Variants in TP63 observed in about 807,000 individuals in gnomAD.
The protein encoded by TP63 is tumor protein 63.
TP63 carries 17 observed loss-of-function variants against 82.8 expected under a neutral mutation model. That is an observed-to-expected ratio of 0.21 (90% CI 0.14 to 0.31). TP63 has a LOEUF of 0.31. Among genes scored for constraint, TP63 ranks in the 10% least tolerant of loss-of-function variants. TP63 has a pLI of 1.00. For synonymous variants in TP63, 330 were observed against 321.7 expected, an observed-to-expected ratio of 1.03 and a Z score of -0.28; for missense variants, 648 against 895.3, an observed-to-expected ratio of 0.72 and a Z score of 3.52.
At position 189,858,197 on chromosome 3, in the gene TP63, AGATCG is replaced by A. The variant is rs1175152513; in HGVS notation, c.580-6034_580-6030del. Among the ~76,000 whole-genome samples, 139 of 69,786 alleles carry A rather than the reference AGATCG, an allele frequency of 2.0e-3. 52 individuals are homozygous for A. Among genetic ancestry groups the A allele is most frequent in the African/African-American group, 4.5e-3 (62 of 13,896 alleles). 45.8% of individuals were successfully genotyped at this position (69,786 alleles called of 152,430 possible). On this transcript the variant is annotated intron_variant, in intron 4 of 13. Transcript: ENST00000264731. ...GAGGCGGGCGGATCACGAGGTCAGG[AGATCG>A]AGACCATCCTGGCTAACACGGTGAA...
intron 6 of TP63, 49 bp from the exon 7 acceptor site, chr3:189,867,784 C>T (rs189233691): frequency 3.3e-5 from 50 of 1,506,406 alleles, no homozygotes; most frequent in Non-Finnish European, 4.2e-5. Flanking sequence ...GAAGGAACAA[C>T]GTCAGTTTAA....
In TP63 at chr3:189,757,323, G is replaced by C. The variant is rs565379909; in HGVS notation, c.324+18549G>C. Among the ~76,000 whole-genome samples the C allele has an allele frequency of 2.4e-4, 36 of 152,316 alleles. No individual in the cohort carries two copies. In the South Asian group the frequency reaches 7.4e-3, roughly 32 times the overall value. On this transcript the variant is annotated intron_variant, in intron 3 of 13. Transcript: ENST00000264731. ...GGTCAGGCTCCAGAGATAGATGGCTGCCTGTGTTTGAATCTAGCTCAGTTA... is the reference window on the plus strand; with the variant it reads ...GGTCAGGCTCCAGAGATAGATGGCTCCCTGTGTTTGAATCTAGCTCAGTTA...
chr3:189,657,327 A>T (rs773229457), intron 1 of TP63, among the ~76,000 whole-genome samples: 3 of 152,128 alleles, frequency 2.0e-5, no homozygotes, highest in Non-Finnish European at 4.4e-5. Context: ...ATGAACCTCA[A>T]TGTATATAAA....
the TP63 span, among the ~76,000 whole-genome samples, chr3:189,607,712 G>T: frequency 2.0e-5 from 3 of 151,634 alleles, no homozygotes; most frequent in African/African-American, 4.8e-5. Flanking sequence ...TAAAATTATC[G>T]TACATATAAA....
At chr3:189,862,320 C>A (rs1303283612) in intron 4 of TP63, among the ~76,000 whole-genome samples, 1 of 152,168 alleles carries the variant, frequency 6.6e-6, no homozygotes, top group East Asian at 1.9e-4. Context: ...TATTATTTAT[C>A]ATTAATTAAG....
rs1335229476 is a variant in TP63, at chr3:189,872,969, G to GCAGCAC, written c.1330_1335dup (p.Gln444_His445dup). 1.2e-6 allele frequency: 2 copies of GCAGCAC among 1,614,128 alleles called. No individual in the cohort carries two copies. Among genetic ancestry groups the GCAGCAC allele is most frequent in the South Asian group, 1.1e-5 (1 of 91,078 alleles). ...AAACGTACAGGCAACAGCAACAGCA[G>GCAGCAC]CAGCACCAGCACTTACTTCAGAAAC... On this transcript the variant is annotated inframe_insertion, in exon 10 of 14. Transcript: ENST00000264731.
chr3:189,820,957 T>C (rs943837416), intron 4 of TP63, among the ~76,000 whole-genome samples: 2 of 152,208 alleles, frequency 1.3e-5, no homozygotes, highest in African/African-American at 2.4e-5. Flanking sequence ...GCCTTGCTGC[T>C]TTTTGAACAC....
intron 3 of TP63, among the ~76,000 whole-genome samples, chr3:189,799,541 A>G (rs983195404): frequency 2.6e-5 from 4 of 152,144 alleles, no homozygotes; most frequent in Admixed American, 6.6e-5. Context: ...AAAAGTGTGT[A>G]TGTGTTTGTT....
intron 1 of TP63, among the ~76,000 whole-genome samples, chr3:189,705,945 A>G (rs1169559772): frequency 6.6e-6 from 1 of 152,236 alleles, no homozygotes; most frequent in East Asian, 1.9e-4. Context: ...ATATCCATAA[A>G]GAAGCCTAAT....
chr3:189,889,277 C>T, intron 11 of TP63, 63 bp from the exon 12 acceptor site: 1 of 1,612,416 alleles, frequency 6.2e-7, no homozygotes. Context: ...ACAAGATGGA[C>T]CACTGGGATG....
chr3:189,636,026 TGTTGTTTATACACA>T (rs1438742305), intron 1 of TP63, among the ~76,000 whole-genome samples: 4 of 152,166 alleles, frequency 2.6e-5, no homozygotes, highest in Admixed American at 6.6e-5. Context: ...AGTCTGCATA[TGTTGTTTATACACA>T]GTTGTTTATA....
intron 1 of TP63, among the ~76,000 whole-genome samples, chr3:189,647,007 G>T (rs1439705318): frequency 6.8e-6 from 1 of 147,132 alleles, no homozygotes; most frequent in Non-Finnish European, 1.5e-5. Context: ...AAATCGTCAG[G>T]CTGGGTAACT....
intron 4 of TP63, 152 bp downstream of exon 4, chr3:189,808,678 A>C: frequency 6.9e-7 from 1 of 1,459,108 alleles, no homozygotes; most frequent in Non-Finnish European, 9.3e-7. Context: ...CCAGAGAGAG[A>C]GAAAGTGCCA....
At chr3:189,642,978 A>AATTTATTT (rs202072069) in intron 1 of TP63, among the ~76,000 whole-genome samples, 10,231 of 137,656 alleles carry the variant, frequency 0.074, 402 homozygotes, top group South Asian at 0.11. Flanking sequence ...CAGACAGCCA[A>AATTTATTT]ATTTATTTAT....
intron 1 of TP63, among the ~76,000 whole-genome samples, chr3:189,685,177 A>G (rs1716333880): frequency 6.6e-6 from 1 of 152,176 alleles, no homozygotes. Flanking sequence ...CATAATACCA[A>G]AAGTACTTCA....
At chr3:189,679,935 G>T (rs1715769565) in intron 1 of TP63, among the ~76,000 whole-genome samples, 1 of 152,076 alleles carries the variant, frequency 6.6e-6, no homozygotes. Context: ...CAAATGCATA[G>T]ATTTATTTCT....
chr3:189,753,820 A>AT (rs2108526192), intron 3 of TP63, among the ~76,000 whole-genome samples: 1 of 152,178 alleles, frequency 6.6e-6, no homozygotes, highest in African/African-American at 2.4e-5. Context: ...AGTTTTGGCT[A>AT]TATCACTCAT....
intron 3 of TP63, among the ~76,000 whole-genome samples, chr3:189,755,662 G>C (rs1722134525): frequency 6.6e-6 from 1 of 151,482 alleles, no homozygotes; most frequent in Non-Finnish European, 1.5e-5. Flanking sequence ...GTAATTATTG[G>C]GTAAAATTGT....
chr3:189,767,163 G>C (rs1576909078), intron 3 of TP63, among the ~76,000 whole-genome samples: 1 of 152,100 alleles, frequency 6.6e-6, no homozygotes, highest in Non-Finnish European at 1.5e-5. Flanking sequence ...TGGTTGTAGA[G>C]TATATACTTC....
Sources: allele counts gnomAD v4.1 joint callset (sites outside exome capture counted in the v4.1 genomes callset), GRCh38; gene constraint gnomAD v4.1.1; transcripts MANE v1.5; gene names NCBI Gene and HGNC (gene_info 2026-07-23, HGNC 2026-07-21).